The following TENM4 variants were observed in gnomAD, a reference collection of about 807,000 sequenced individuals.
TENM4 encodes teneurin-4.
In TENM4, 82 loss-of-function variants were observed where a neutral mutation model predicts 243.3. The ratio of observed to expected loss-of-function variants is 0.34; its 90% CI spans 0.28 to 0.40. The LOEUF (loss-of-function observed/expected upper bound fraction) is 0.40, where lower values mean the gene tolerates loss of function less well. Ranked by LOEUF, TENM4 falls within the 10% of genes least tolerant of loss-of-function variation. The pLI is 1.00. For synonymous variants in TENM4, 1,412 were observed against 1,456.3 expected (o/e 0.97, Z 0.69); for missense variants, 3,138 against 3,673.3 (o/e 0.85, Z 3.77).
chr11:78,790,243 A>G (rs1042539230), intron 15 of TENM4, among the ~76,000 whole-genome samples: 2 of 152,216 alleles, frequency 1.3e-5, no homozygotes, highest in African/African-American at 4.8e-5. Flanking sequence ...GCTATGTACA[A>G]TGAATTAAAG....
At chr11:79,355,468 G>A (rs1857480318) in intron 1 of TENM4, among the ~76,000 whole-genome samples, 1 of 135,324 alleles carries the variant, frequency 7.4e-6, no homozygotes, top group Non-Finnish European at 1.6e-5. Context: ...GGGAAGCAGA[G>A]GTTGCAGTGA....
intron 6 of TENM4, among the ~76,000 whole-genome samples, chr11:78,969,844 C>T (rs1857505412): frequency 6.6e-6 from 1 of 152,096 alleles, no homozygotes; most frequent in South Asian, 2.1e-4. Context: ...AAACACTTAG[C>T]CCAACACACA....
chr11:79,309,009 A>C (rs1374761185), intron 1 of TENM4, among the ~76,000 whole-genome samples: 1 of 152,188 alleles, frequency 6.6e-6, no homozygotes, highest in Non-Finnish European at 1.5e-5. Flanking sequence ...TCAGAGTGGC[A>C]AAGCAGAATG....
chr11:79,044,073 C>T (rs986605592), intron 6 of TENM4, among the ~76,000 whole-genome samples: 1 of 152,158 alleles, frequency 6.6e-6, no homozygotes, highest in Admixed American at 6.5e-5. Context: ...CTCCCTGAAC[C>T]AAAGGCTGCT....
chr11:79,064,722 C>T lies in TENM4; in HGVS notation c.493+16G>A, dbSNP rs749211133. The stretch of plus-strand genomic sequence containing the variant: ...CACCACCCAGGCACCCGGCACAGAC[C>T]AAACCAGCCACTCACCAGTCTCAGT... On this transcript the variant is annotated intron_variant, in intron 6 of 33. Transcript: ENST00000278550. 1.9e-6 allele frequency: 3 copies of T among 1,551,378 alleles called. No individual in the cohort carries two copies. The highest frequency in any genetic ancestry group is 1.4e-5 in the African/African-American group (1 of 73,034).
rs956538906 is a variant in TENM4, at chr11:79,203,740, G to T, written c.-163+12068C>A. 7.9e-5 allele frequency among the ~76,000 whole-genome samples: 12 copies of T among 152,254 alleles called. No individual in the cohort carries two copies. The South Asian group carries it at 1.2e-3, about 16-fold the overall frequency. ...TAATTGTGGATTTCTATCTGCAGTTGGTTGAATTCATAGATGCAAAACCTG... is the reference window on the plus strand; with the variant it reads ...TAATTGTGGATTTCTATCTGCAGTTTGTTGAATTCATAGATGCAAAACCTG... On this transcript the variant is annotated intron_variant, in intron 3 of 33. Transcript: ENST00000278550.
chr11:78,971,567 C>T (rs895839484), intron 6 of TENM4, among the ~76,000 whole-genome samples: 2 of 152,236 alleles, frequency 1.3e-5, no homozygotes, highest in East Asian at 3.9e-4. Context: ...TCCCAAAGTG[C>T]TGGGATTACA....
chr11:79,433,698 C>T (rs1350843217), intron 1 of TENM4, among the ~76,000 whole-genome samples: 1 of 152,184 alleles, frequency 6.6e-6, no homozygotes, highest in Non-Finnish European at 1.5e-5. Context: ...GGAAAGGGAA[C>T]CGGGGTGCTG....
intron 3 of TENM4, among the ~76,000 whole-genome samples, chr11:79,193,421 C>T (rs1229901893): frequency 6.6e-6 from 1 of 152,184 alleles, no homozygotes; most frequent in Non-Finnish European, 1.5e-5. Flanking sequence ...ACTTTAGTCT[C>T]TTGTATTCCG....
chr11:79,088,952 G>T (rs1489867350), intron 4 of TENM4, among the ~76,000 whole-genome samples: 2 of 152,154 alleles, frequency 1.3e-5, no homozygotes, highest in African/African-American at 4.8e-5. Flanking sequence ...TTCCTCATCT[G>T]TAAGATGGTC....
intron 19 of TENM4, among the ~76,000 whole-genome samples, chr11:78,751,001 T>C (rs1239678456): frequency 6.6e-6 from 1 of 152,132 alleles, no homozygotes; most frequent in Non-Finnish European, 1.5e-5. Context: ...CACCTCAGCT[T>C]CCTGAGTAGC....
At chr11:79,034,374 A>C (rs1020417579) in intron 6 of TENM4, among the ~76,000 whole-genome samples, 4 of 152,132 alleles carry the variant, frequency 2.6e-5, no homozygotes, top group Admixed American at 6.6e-5. Flanking sequence ...AGCATCCTTA[A>C]CTAGTGTAAC....
At chr11:79,192,017 A>G (rs183969348) in intron 3 of TENM4, among the ~76,000 whole-genome samples, 1,804 of 141,432 alleles carry the variant, frequency 0.013, 38 homozygotes, top group African/African-American at 0.045. Flanking sequence ...GGCTGCCCCT[A>G]CTGGGAAGTG....
chr11:78,806,594 G>A (rs149966913), intron 14 of TENM4, among the ~76,000 whole-genome samples: 2,818 of 152,308 alleles, frequency 0.019, 40 homozygotes, highest in Non-Finnish European at 0.028. Context: ...GTGAGATACA[G>A]ATGAGGAAAC....
rs1270368759 is a variant in TENM4, at chr11:79,321,656, A to AG, written c.-320-24114_-320-24113insC. 1.4e-3 allele frequency among the ~76,000 whole-genome samples: 215 copies of AG among 151,544 alleles called. 4 individuals are homozygous for AG. Among genetic ancestry groups the AG allele is most frequent in the African/African-American group, 5.0e-3 (207 of 41,320 alleles). The stretch of plus-strand genomic sequence containing the variant: ...GGAAATTACCAAAAAAAAAAAAAAA[A>AG]AAAAAAAAGGGAGAGAGAACTTGGG... On this transcript the variant is annotated intron_variant, in intron 1 of 33. Coordinates refer to ENST00000278550, the MANE Select transcript of TENM4 (RefSeq NM_001098816.3).
chr11:79,301,651 C>A (rs1468599078), intron 1 of TENM4, among the ~76,000 whole-genome samples: 1 of 152,212 alleles, frequency 6.6e-6, no homozygotes, highest in African/African-American at 2.4e-5. Context: ...CCAAATCTCA[C>A]GTCGAATTGT....
chr11:78,947,830 G>A (rs938825842), intron 6 of TENM4, among the ~76,000 whole-genome samples: 3 of 152,208 alleles, frequency 2.0e-5, no homozygotes, highest in African/African-American at 7.2e-5. Flanking sequence ...CCTTGCTGAA[G>A]TTCCCTCCAT....
intron 6 of TENM4, among the ~76,000 whole-genome samples, chr11:78,912,922 C>T (rs898216048): frequency 9.9e-5 from 15 of 152,216 alleles, no homozygotes; most frequent in African/African-American, 2.9e-4. Context: ...TTCATTCTTG[C>T]GCTTATCCCA....
intron 4 of TENM4, among the ~76,000 whole-genome samples, chr11:79,090,596 G>A (rs1396118690): frequency 6.6e-6 from 1 of 152,240 alleles, no homozygotes. Context: ...TCAGGACTTA[G>A]CCAAAGTTGT....
Sources: gnomAD v4.1 joint callset for allele counts (sites outside exome capture counted in the v4.1 genomes callset) on GRCh38, gnomAD v4.1.1 for gene constraint, MANE v1.5 for transcripts, NCBI Gene and HGNC (gene_info 2026-07-23, HGNC 2026-07-21) for gene names.